GRID2: variants seen among roughly 807,000 people sequenced by gnomAD.
GRID2 encodes the protein glutamate receptor ionotropic, delta-2.
In GRID2, 33 loss-of-function variants were observed where a neutral mutation model predicts 114.8. The ratio of observed to expected loss-of-function variants is 0.29; its 90% confidence interval spans 0.22 to 0.38. The LOEUF (loss-of-function observed/expected upper bound fraction) is 0.38, where lower values mean the gene tolerates loss of function less well. Ranked by LOEUF, GRID2 falls within the 10% of genes least tolerant of loss-of-function variation. GRID2 has a pLI of 1.00. For missense variants in GRID2, 1,184 were observed against 1,257.7 expected (o/e 0.94, Z 0.89); for synonymous variants, 505 against 449.9 (o/e 1.12, Z -1.55).
intron 2 of GRID2, among the ~76,000 whole-genome samples, chr4:92,669,889 G>T (rs1732972051): frequency 6.6e-6 from 1 of 151,926 alleles, no homozygotes; most frequent in Non-Finnish European, 1.5e-5. Flanking sequence ...TGACTATCAT[G>T]ATTTCTTGCA....
intron 8 of GRID2, among the ~76,000 whole-genome samples, chr4:93,304,280 A>G (rs1352786088): frequency 2.1e-5 from 3 of 144,704 alleles, no homozygotes; most frequent in African/African-American, 7.6e-5. Context: ...ATATATATAT[A>G]AGAGAACCCA....
chr4:93,210,957 C>T (rs1202339291), intron 5 of GRID2, among the ~76,000 whole-genome samples: 1 of 152,000 alleles, frequency 6.6e-6, no homozygotes, highest in East Asian at 1.9e-4. Context: ...CAGCGAGAGT[C>T]ATTTTACCTA....
chr4:92,391,145 G>A (rs1245377599), intron 1 of GRID2, among the ~76,000 whole-genome samples: 2 of 152,114 alleles, frequency 1.3e-5, no homozygotes, highest in African/African-American at 4.8e-5. Flanking sequence ...TTTAGAAAGT[G>A]GCCCAGAATG....
At chr4:92,703,315 G>A (rs1473691086) in intron 2 of GRID2, among the ~76,000 whole-genome samples, 1 of 152,058 alleles carries the variant, frequency 6.6e-6, no homozygotes, top group Non-Finnish European at 1.5e-5. Flanking sequence ...ACTGTTGAAA[G>A]CAAGGTTTTG....
chr4:92,312,318 A>G (rs576468805), intron 1 of GRID2, among the ~76,000 whole-genome samples: 3 of 152,220 alleles, frequency 2.0e-5, no homozygotes, highest in South Asian at 2.1e-4. Context: ...AATAGTTTGT[A>G]TTTTAGAAAG....
At chr4:93,661,009 T>A (rs1271681018) in intron 14 of GRID2, among the ~76,000 whole-genome samples, 1 of 152,188 alleles carries the variant, frequency 6.6e-6, no homozygotes, top group Non-Finnish European at 1.5e-5. Context: ...AGAAAGGTAC[T>A]ACTATCTCCC....
At chr4:92,446,612 C>A (rs1733482607) in intron 1 of GRID2, among the ~76,000 whole-genome samples, 1 of 152,106 alleles carries the variant, frequency 6.6e-6, no homozygotes, top group South Asian at 2.1e-4. Context: ...TAGAGTGAAC[C>A]CCAAGCTGTA....
At chr4:93,571,547 A>G (rs1447794000) in intron 13 of GRID2, among the ~76,000 whole-genome samples, 1 of 152,086 alleles carries the variant, frequency 6.6e-6, no homozygotes, top group Non-Finnish European at 1.5e-5. Flanking sequence ...TTTAGGCCCA[A>G]CCTAAAATTT....
intron 2 of GRID2, among the ~76,000 whole-genome samples, chr4:92,680,297 C>T (rs1871380): frequency 0.31 from 47,350 of 151,836 alleles, 8,161 homozygotes; most frequent in African/African-American, 0.47. Context: ...CATTAAAGAA[C>T]CTAACAACTT....
chr4:92,410,956 T>C (rs1731269302), intron 1 of GRID2, among the ~76,000 whole-genome samples: 1 of 151,930 alleles, frequency 6.6e-6, no homozygotes, highest in South Asian at 2.1e-4. Context: ...AAAAGGGTTT[T>C]AATGTCAAAC....
At chr4:93,787,484 T>C (rs1487823221) in intron 1 of GRID2, among the ~76,000 whole-genome samples, 1 of 152,102 alleles carries the variant, frequency 6.6e-6, no homozygotes, top group African/African-American at 2.4e-5. Context: ...ATTCAGGATA[T>C]GAGGTCCACT....
At chr4:92,456,919 A>T (rs534340517) in intron 1 of GRID2, among the ~76,000 whole-genome samples, 1 of 152,220 alleles carries the variant, frequency 6.6e-6, no homozygotes, top group South Asian at 2.1e-4. Flanking sequence ...GTTATGAAAT[A>T]TTTGTGCCTA....
At chr4:92,429,071 C>T (rs1235481129) in intron 1 of GRID2, among the ~76,000 whole-genome samples, 2 of 152,060 alleles carry the variant, frequency 1.3e-5, no homozygotes, top group Non-Finnish European at 2.9e-5. Flanking sequence ...TGTCCATGTT[C>T]TCATTGTTCA....
intron 13 of GRID2, among the ~76,000 whole-genome samples, chr4:93,533,270 CT>C (rs1560722286): frequency 3.3e-5 from 3 of 91,686 alleles, no homozygotes; most frequent in Non-Finnish European, 7.3e-5. Context: ...TCCTTCCTTC[CT>C]TCCTTCCTTC....
intron 4 of GRID2, among the ~76,000 whole-genome samples, chr4:93,198,001 T>A (rs943670036): frequency 6.6e-6 from 1 of 152,204 alleles, no homozygotes; most frequent in Non-Finnish European, 1.5e-5. Flanking sequence ...TTCCTTTTTA[T>A]ATGAGCTTAT....
intron 14 of GRID2, among the ~76,000 whole-genome samples, chr4:93,737,711 T>C (rs962905644): frequency 6.6e-6 from 1 of 152,254 alleles, no homozygotes; most frequent in Admixed American, 6.5e-5. Context: ...AGATTCCATC[T>C]CTCAAGAAAA....
chr4:93,410,170 G>A (rs567385509), intron 9 of GRID2, among the ~76,000 whole-genome samples: 3 of 152,200 alleles, frequency 2.0e-5, no homozygotes, highest in Non-Finnish European at 4.4e-5. Context: ...GGTAATGAAC[G>A]TAAAGTGATA....
At chr4:92,485,907 A>G (rs1415196414) in intron 1 of GRID2, among the ~76,000 whole-genome samples, 1 of 152,032 alleles carries the variant, frequency 6.6e-6, no homozygotes, top group African/African-American at 2.4e-5. Flanking sequence ...GCCTGGAAAC[A>G]AGATTTGAAA....
chr4:92,419,598 A>T (rs951018287), intron 1 of GRID2, among the ~76,000 whole-genome samples: 4 of 152,120 alleles, frequency 2.6e-5, no homozygotes, highest in African/African-American at 9.7e-5. Flanking sequence ...AGTGGGAAAT[A>T]ACTTTTTGGA....
Sources: allele counts gnomAD v4.1 joint callset (sites outside exome capture counted in the v4.1 genomes callset), GRCh38; gene constraint gnomAD v4.1.1; transcripts MANE v1.5; gene names NCBI Gene and HGNC (gene_info 2026-07-23, HGNC 2026-07-21).